OTUD7B: variants seen among roughly 807,000 people sequenced by gnomAD.
The protein encoded by OTUD7B is OTU deubiquitinase 7B.
A neutral mutation model predicts 82.2 loss-of-function variants in OTUD7B; 34 were observed. That is an observed-to-expected ratio of 0.41 (90% CI 0.31 to 0.55). The LOEUF is 0.55. OTUD7B is among the 20% of genes least tolerant of loss of function. The probability of loss-of-function intolerance (pLI) is 0.20; values close to 1 mark genes in which losing one functional copy is unlikely to be tolerated. For missense variants in OTUD7B, 944 were observed against 1,062.1 expected, an observed-to-expected ratio of 0.89 and a Z score of 1.55; for synonymous variants, 398 against 402.7, an observed-to-expected ratio of 0.99 and a Z score of 0.14.
At chr1:150,059,790 A>AG in the OTUD7B span, among the ~76,000 whole-genome samples, 5 of 152,182 alleles carry the variant, frequency 3.3e-5, no homozygotes, top group Non-Finnish European at 5.9e-5. Flanking sequence ...CTTCAAAGAG[A>AG]GGGAAAAAAA....
the OTUD7B span, among the ~76,000 whole-genome samples, chr1:150,024,887 A>C: frequency 1.3e-5 from 2 of 152,144 alleles, no homozygotes; most frequent in African/African-American, 4.8e-5. Flanking sequence ...ATCTCTACTA[A>C]AAATACAAAA....
the OTUD7B span, among the ~76,000 whole-genome samples, chr1:150,051,340 G>A: frequency 6.6e-6 from 1 of 151,004 alleles, no homozygotes; most frequent in Non-Finnish European, 1.5e-5. Flanking sequence ...GAAATTCCAT[G>A]ATATTTTTCT....
the OTUD7B span, among the ~76,000 whole-genome samples, chr1:150,017,356 G>C: frequency 2.0e-5 from 3 of 152,212 alleles, no homozygotes; most frequent in Non-Finnish European, 4.4e-5. Context: ...CCCTTGGCAA[G>C]ATTGGGTGTG....
chr1:150,045,931 A>C, the OTUD7B span, among the ~76,000 whole-genome samples: 1 of 152,364 alleles, frequency 6.6e-6, no homozygotes, highest in East Asian at 1.9e-4. Context: ...TAATATAATT[A>C]ACATGATTAC....
Position 149,949,786 on chromosome 1 carries a change from A to G in OTUD7B, c.974-8T>C. 6.2e-7 allele frequency: 1 copy of G among 1,612,826 alleles called. No individual in the cohort carries two copies. The highest frequency in any genetic ancestry group is 1.1e-5 in the South Asian group (1 of 90,874). On this transcript the variant is annotated splice_polypyrimidine_tract_variant and splice_region_variant and intron_variant, in intron 8 of 11. Transcript: ENST00000581312. The stretch of plus-strand genomic sequence containing the variant: ...AGGGAATAGGGGCAAATGCTGCAGG[A>G]AGCCATGAAGATTATTATGAAGGCT...
rs782232663 is a variant in OTUD7B, at chr1:149,959,664, C to T, written c.845+20G>A. ...AGGACTCTATGCAGGTTTCCTCCTC[C>T]CCTACTTAGCCATACTTACCCACCA... On this transcript the variant is annotated intron_variant, in intron 7 of 11. Transcript: ENST00000581312. The T allele has an allele frequency of 6.8e-6, 10 of 1,481,318 alleles. No individual in the cohort carries two copies. In the South Asian group the frequency reaches 9.1e-5, roughly 13 times the overall value. 91.8% of individuals were successfully genotyped at this position (1,481,318 alleles called of 1,614,324 possible). A position where few individuals can be genotyped will look rare whatever the true frequency, so the allele number is the denominator to read the frequency against.
rs1553771586 is a variant in OTUD7B at position 149,944,698 on chromosome 1, T to C, written c.1691A>G (p.Glu564Gly). Residue 564 changes from glutamate to glycine, a missense_variant, in exon 12 of 12, where the codon GAG (glutamate) becomes GGG (glycine). By Grantham distance (98) the Glu-to-Gly change is moderately conservative (BLOSUM62 -2). This residue lies in a region of OTUD7B where 412 missense variants were observed against 418.7 expected (regional missense o/e 0.98). Transcript: ENST00000581312. ...NSLKSWKGGK[E>G]EAAGDGPVSE... Reference sequence around the variant, plus strand: ...CACAGGCCCATCCCCAGCTGCCTCCTCCTTGCCACCCTTCCAGCTCTTCAG... The same window carrying C: ...CACAGGCCCATCCCCAGCTGCCTCCCCCTTGCCACCCTTCCAGCTCTTCAG... 6.2e-6 allele frequency: 10 copies of C among 1,613,708 alleles called. No individual in the cohort carries two copies. In the Admixed American group the frequency reaches 1.7e-4, roughly 27 times the overall value.
intron 2 of OTUD7B, among the ~76,000 whole-genome samples, chr1:149,974,510 CT>C (rs1470065994): frequency 3.5e-5 from 5 of 143,894 alleles, no homozygotes; most frequent in Non-Finnish European, 7.6e-5. Flanking sequence ...GCCCTACACT[CT>C]TTTTTTCTTT....
At chr1:150,001,880 C>A (rs1652312971) in intron 1 of OTUD7B, among the ~76,000 whole-genome samples, 1 of 152,172 alleles carries the variant, frequency 6.6e-6, no homozygotes, top group Non-Finnish European at 1.5e-5. Flanking sequence ...TTCCACACGT[C>A]CTTAAGTCCC....
the OTUD7B span, among the ~76,000 whole-genome samples, chr1:150,060,913 C>CTCTTT: frequency 2.0e-5 from 3 of 151,996 alleles, no homozygotes; most frequent in African/African-American, 7.3e-5. Context: ...TTTATTTTTT[C>CTCTTT]TCTTTTCTTT....
chr1:150,044,721 G>A, the OTUD7B span, among the ~76,000 whole-genome samples: 2 of 150,988 alleles, frequency 1.3e-5, no homozygotes. Flanking sequence ...AAAGTTCAAG[G>A]ATATGTAGCA....
intron 3 of OTUD7B, among the ~76,000 whole-genome samples, chr1:149,968,687 T>C (rs1649688620): frequency 6.6e-6 from 1 of 152,186 alleles, no homozygotes; most frequent in African/African-American, 2.4e-5. Flanking sequence ...ATAGTGATGT[T>C]ATTTTTCAAA....
At chr1:149,949,517 C>G in intron 9 of OTUD7B, 112 bp downstream of exon 9, 1 of 1,113,174 alleles carries the variant, frequency 9.0e-7, no homozygotes, top group South Asian at 1.6e-5. Context: ...AAAACAGTAT[C>G]AACATGTGCT....
At position 149,947,216 on chromosome 1, in the gene OTUD7B, A is replaced by AAT. The variant is rs782360394; in HGVS notation, c.1323+34_1323+35insAT. Reference sequence around the variant, plus strand: ...TGTTCTGTCACTGAAAATGAAATGAAGACACACCAGGGTAGATGTGGGAGA... The same window carrying AAT: ...TGTTCTGTCACTGAAAATGAAATGAAATGACACACCAGGGTAGATGTGGGAGA... On this transcript the variant is annotated intron_variant, in intron 11 of 11. Coordinates refer to ENST00000581312, the MANE Select transcript of OTUD7B (RefSeq NM_020205.4). The AAT allele has an allele frequency of 3.4e-6, 4 of 1,185,824 alleles. No individual in the cohort carries two copies. In the Admixed American group the frequency reaches 6.8e-5, roughly 20 times the overall value. The allele number at this position is 1,185,824 out of a possible 1,614,324, so 73.5% of individuals were successfully genotyped here. A position where few individuals can be genotyped will look rare whatever the true frequency, so the allele number is the denominator to read the frequency against.
intron 7 of OTUD7B, 83 bp downstream of exon 7, chr1:149,959,601 A>T (rs1363034330): frequency 2.4e-6 from 2 of 828,494 alleles, no homozygotes; most frequent in African/African-American, 3.4e-5. Flanking sequence ...TCCTCTTAGC[A>T]CAGAGCTCTC....
At position 149,940,236 on chromosome 1, in the gene OTUD7B, G is replaced by A. The variant is rs1192079132; in HGVS notation, c.*3621C>T. ...CGCTTGATAGAAAAAAAAAAACTGA[G>A]CTAATAGAGGGAAGGTACTTCCCTT... On this transcript the variant is annotated 3_prime_UTR_variant, in exon 12 of 12. Coordinates refer to ENST00000581312, the MANE Select transcript of OTUD7B (RefSeq NM_020205.4). 1 of 150,884 alleles carries A rather than the reference G, an allele frequency of 6.6e-6. No homozygotes were observed. The highest frequency in any genetic ancestry group is 1.5e-5 in the Non-Finnish European group (1 of 67,878). 9.3% of individuals were successfully genotyped at this position (150,884 alleles called of 1,614,324 possible).
the OTUD7B span, chr1:150,055,089 G>T: frequency 6.3e-6 from 1 of 159,724 alleles, no homozygotes; most frequent in African/African-American, 2.4e-5. Flanking sequence ...CCAGGCTGGG[G>T]TGCAGTGGCC....
the OTUD7B span, among the ~76,000 whole-genome samples, chr1:150,055,898 G>A: frequency 6.6e-6 from 1 of 152,126 alleles, no homozygotes; most frequent in African/African-American, 2.4e-5. Context: ...TGGAGGGTGG[G>A]AGAAGGGAGA....
At chr1:149,977,242 G>A (rs1650386313) in intron 2 of OTUD7B, among the ~76,000 whole-genome samples, 184 bp downstream of exon 2, 1 of 152,164 alleles carries the variant, frequency 6.6e-6, no homozygotes, top group South Asian at 2.1e-4. Context: ...TAAGTTCAAG[G>A]TGAAAAAGGG....
Sources: allele counts gnomAD v4.1 joint callset (sites outside exome capture counted in the v4.1 genomes callset), GRCh38; gene constraint gnomAD v4.1.1; regional missense constraint gnomAD v4.1.1; transcripts MANE v1.5; gene names NCBI Gene and HGNC (gene_info 2026-07-23, HGNC 2026-07-21).